Variants in CMYA5 observed in about 807,000 individuals in gnomAD.
CMYA5 encodes the protein cardiomyopathy-associated protein 5.
CMYA5 carries 246 observed loss-of-function variants against 318.9 expected under a neutral mutation model. The ratio of observed to expected loss-of-function variants is 0.77; its 90% CI spans 0.70 to 0.86. The LOEUF (loss-of-function observed/expected upper bound fraction) is 0.86. Among genes scored for constraint, CMYA5 ranks in the 40% least tolerant of loss-of-function variants. CMYA5 has a pLI of 0.00. For missense variants in CMYA5, 4,589 were observed against 4,678.2 expected (o/e 0.98, Z 0.56); for synonymous variants, 1,641 against 1,729.5 (o/e 0.95, Z 1.27).
At chr5:79,746,509 A>C (rs1828324933) in intron 4 of CMYA5, among the ~76,000 whole-genome samples, 1 of 151,270 alleles carries the variant, frequency 6.6e-6, no homozygotes, top group Non-Finnish European at 1.5e-5. Context: ...GTTCTGTAAG[A>C]ATAAGAATAA....
At chr5:79,790,781 A>T (rs1174102560) in intron 10 of CMYA5, among the ~76,000 whole-genome samples, 189 bp from the exon 11 acceptor site, 1 of 152,200 alleles carries the variant, frequency 6.6e-6, no homozygotes, top group Non-Finnish European at 1.5e-5. Context: ...CACCACGTAG[A>T]GGTAACCAGC....
rs201032060 is a variant in CMYA5 at position 79,734,800 on chromosome 5, C to G, written c.6035C>G (p.Ser2012Cys). Residue 2012 changes from serine to cysteine, a missense_variant, in exon 2 of 13, where the codon TCT becomes TGT. Around this residue, in one of 3 missense-constraint regions of CMYA5, gnomAD observed 2,431 missense variants for 2,495.1 expected, o/e 0.97. Coordinates refer to ENST00000446378, the MANE Select transcript of CMYA5 (RefSeq NM_153610.5). ...ATAGCAGAGGGGAAGGAGATTCATTCTTTGATGGAGAGTGAAAGTTTGCTA... is the reference window on the plus strand; with the variant it reads ...ATAGCAGAGGGGAAGGAGATTCATTGTTTGATGGAGAGTGAAAGTTTGCTA... ...RNIAEGKEIH[S>C]LMESESLLLE... 1 of 1,613,626 alleles carries G rather than the reference C, an allele frequency of 6.2e-7. No homozygotes were observed. The highest frequency in any genetic ancestry group is 1.3e-5 in the African/African-American group (1 of 74,906).
Position 79,738,472 on chromosome 5 carries a change from T to C in CMYA5, c.9707T>C (p.Ile3236Thr). Residue 3236 changes from isoleucine (I) to threonine (T), a missense_variant, in exon 2 of 13, where the codon ATA becomes ACA. Transcript: ENST00000446378. The stretch of plus-strand genomic sequence containing the variant: ...TCTGACACTGATGATGGAACAGGAA[T>C]ATATTTTGAGAAGTACATACTCAAA... ...RNSDTDDGTG[I>T]YFEKYILKDD... 6.2e-7 allele frequency: 1 copy of C among 1,613,718 alleles called. No homozygotes were observed. Among genetic ancestry groups the C allele is most frequent in the Non-Finnish European group, 8.5e-7 (1 of 1,179,854 alleles).
At position 79,772,102 on chromosome 5, in the gene CMYA5, A is replaced by G. The variant is rs1327499134; in HGVS notation, c.11555+8893A>G. ...TCCTTTGCGAAAGCCAGAGAAACCA[A>G]TGACAGTTCCATTTGTAGGAAAAAA... On this transcript the variant is annotated intron_variant, in intron 9 of 12. Transcript: ENST00000446378. Among the ~76,000 whole-genome samples the G allele has an allele frequency of 2.0e-5, 3 of 151,712 alleles. No homozygotes were observed. In the Admixed American group the frequency reaches 2.0e-4, roughly 10 times the overall value.
intron 9 of CMYA5, among the ~76,000 whole-genome samples, chr5:79,770,850 C>G (rs1185909212): frequency 6.6e-6 from 1 of 152,054 alleles, no homozygotes; most frequent in Non-Finnish European, 1.5e-5. Flanking sequence ...ATGATAGTTT[C>G]TTTCAAGTTG....
intron 12 of CMYA5, 22 bp from the exon 13 acceptor site, chr5:79,799,348 T>A (rs765143843): frequency 1.9e-6 from 3 of 1,582,192 alleles, no homozygotes; most frequent in Non-Finnish European, 2.6e-6. Context: ...AGTTTTATGT[T>A]TCCCATTCGC....
intron 5 of CMYA5, among the ~76,000 whole-genome samples, chr5:79,750,264 C>G (rs746241156): frequency 1.4e-4 from 21 of 148,908 alleles, no homozygotes; most frequent in Non-Finnish European, 3.1e-4. Flanking sequence ...TTAATAAATA[C>G]AGTACAGTAC....
chr5:79,785,203 A>T (rs1052892495), intron 9 of CMYA5, among the ~76,000 whole-genome samples: 2 of 151,808 alleles, frequency 1.3e-5, no homozygotes, highest in Non-Finnish European at 2.9e-5. Flanking sequence ...TGGTTTTATT[A>T]TTGTAGCTTT....
At position 79,734,132 on chromosome 5, in the gene CMYA5, G is replaced by C. The variant is rs778961105; in HGVS notation, c.5367G>C (p.Lys1789Asn). 9.9e-6 allele frequency: 16 copies of C among 1,613,614 alleles called. No individual in the cohort carries two copies. In the East Asian group the frequency reaches 3.6e-4, roughly 36 times the overall value. Residue 1789 changes from lysine (K) to asparagine (N), a missense_variant, in exon 2 of 13, where the codon AAG becomes AAC. Coordinates refer to ENST00000446378, the MANE Select transcript of CMYA5 (RefSeq NM_153610.5). ...KAQVMGDILD[K>N]LSEETGHPNS... is the part of the protein sequence containing the mutation. ...AAGTCATGGGAGATATTTTAGATAAGCTAAGTGAAGAAACAGGCCACCCAA... is the reference window on the plus strand; with the variant it reads ...AAGTCATGGGAGATATTTTAGATAACCTAAGTGAAGAAACAGGCCACCCAA...
Position 79,738,888 on chromosome 5 carries a change from G to T in CMYA5, c.10123G>T (p.Val3375Leu). Residue 3375 changes from valine to leucine, a missense_variant, in exon 2 of 13, where the codon GTA becomes TTA. By Grantham distance (32) the Val-to-Leu change is conservative (BLOSUM62 1). Coordinates refer to ENST00000446378, the MANE Select transcript of CMYA5 (RefSeq NM_153610.5). The part of the protein sequence containing the change: ...ASPEVNLNVP[V>L]QVSFPEEEFA... Reference sequence around the variant, plus strand: ...TCCAGAGGTCAATCTGAATGTCCCAGTACAAGTGTCCTTCCCGGAGGAAGA... The same window carrying T: ...TCCAGAGGTCAATCTGAATGTCCCATTACAAGTGTCCTTCCCGGAGGAAGA... 1.9e-6 allele frequency: 3 copies of T among 1,613,886 alleles called. No homozygotes were observed. The highest frequency in any genetic ancestry group is 2.5e-6 in the Non-Finnish European group (3 of 1,179,858).
chr5:79,722,514 T>TA lies in CMYA5; in HGVS notation c.150-6396dup, dbSNP rs571852233. On this transcript the variant is annotated intron_variant, in intron 1 of 12. Coordinates refer to ENST00000446378, the MANE Select transcript of CMYA5 (RefSeq NM_153610.5). ...CAACATGATGAAACACCATGTCTAC[T>TA]AAAAATACAAAAAATTGGCTGGCAT... 2.6e-5 allele frequency among the ~76,000 whole-genome samples: 4 copies of TA among 151,954 alleles called. No homozygotes were observed. In the South Asian group the frequency reaches 8.3e-4, roughly 32 times the overall value.
Position 79,729,686 on chromosome 5 carries a change from C to T in CMYA5, c.921C>T (p.Leu307=), listed in dbSNP as rs367973388. 13 of 1,613,800 alleles carry T rather than the reference C, an allele frequency of 8.1e-6. No individual in the cohort carries two copies. The highest frequency in any genetic ancestry group is 2.7e-5 in the African/African-American group (2 of 74,912). ...TTTTTCCACCCTGGAGAGGCGCACT[C>T]TCCAAAGGATCAGAGTCCCTAACCT... ...KEVFPPWRGA[L]SKGSESLTLM... is the part of the protein sequence containing the mutation. The change falls in exon 2 of 13, where the codon CTC becomes CTT. Residue 307 remains leucine, a synonymous_variant. Coordinates refer to ENST00000446378, the MANE Select transcript of CMYA5 (RefSeq NM_153610.5).
At chr5:79,755,486 T>C (rs1471659853) in intron 6 of CMYA5, among the ~76,000 whole-genome samples, 5 of 152,060 alleles carry the variant, frequency 3.3e-5, no homozygotes, top group African/African-American at 1.2e-4. Context: ...GGGGTTTTGC[T>C]GTGTTGGCCA....
intron 9 of CMYA5, among the ~76,000 whole-genome samples, chr5:79,771,677 C>G (rs1828858957): frequency 6.6e-6 from 1 of 152,166 alleles, no homozygotes; most frequent in Non-Finnish European, 1.5e-5. Context: ...CTTGCCTACT[C>G]TGAGTGAACC....
At chr5:79,760,477 G>C (rs1012412599) in intron 7 of CMYA5, among the ~76,000 whole-genome samples, 2 of 152,166 alleles carry the variant, frequency 1.3e-5, no homozygotes, top group African/African-American at 2.4e-5. Context: ...AGTTCCACAA[G>C]GTGTACAGGA....
Position 79,731,632 on chromosome 5 carries a change from C to T in CMYA5, c.2867C>T (p.Ser956Leu), listed in dbSNP as rs1221149035. ...SPDSAFVSEF[S>L]FPPYATQEAE... ...GATTCTGCATTTGTGTCAGAATTCT[C>T]ATTTCCACCGTATGCAACCCAGGAA... The change falls in exon 2 of 13, where the codon TCA becomes TTA. Residue 956 changes from serine (S) to leucine (L), a missense_variant. Ser to Leu is a moderately radical substitution (Grantham distance 145). Coordinates refer to ENST00000446378, the MANE Select transcript of CMYA5 (RefSeq NM_153610.5). 1.9e-6 allele frequency: 3 copies of T among 1,613,816 alleles called. No homozygotes were observed. Among genetic ancestry groups the T allele is most frequent in the East Asian group, 4.5e-5 (2 of 44,888 alleles).
At chr5:79,798,839 A>T (rs1454090858) in intron 12 of CMYA5, among the ~76,000 whole-genome samples, 10 of 152,320 alleles carry the variant, frequency 6.6e-5, no homozygotes, top group African/African-American at 2.2e-4. Flanking sequence ...TGAAAAGGAG[A>T]GTTGGTTTGG....
chr5:79,707,757 A>G lies in CMYA5; in HGVS notation c.149+17701A>G, dbSNP rs1335229535. ...GATGACCTTCAAGCCCCGGAAAGGA[A>G]GGGGAAGTAATTTGCCTGAGCTCAC... On this transcript the variant is annotated intron_variant, in intron 1 of 12. Transcript: ENST00000446378. Among the ~76,000 whole-genome samples the G allele has an allele frequency of 3.3e-5, 5 of 152,204 alleles. No homozygotes were observed. The East Asian group carries it at 9.6e-4, about 29-fold the overall frequency.
At chr5:79,696,676 G>C (rs1827073079) in intron 1 of CMYA5, among the ~76,000 whole-genome samples, 1 of 152,200 alleles carries the variant, frequency 6.6e-6, no homozygotes, top group South Asian at 2.1e-4. Context: ...TTAAATTGTT[G>C]GTTTATAAAT....
Sources: allele counts gnomAD v4.1 joint callset (sites outside exome capture counted in the v4.1 genomes callset), GRCh38; gene constraint gnomAD v4.1.1; regional missense constraint gnomAD v4.1.1; transcripts MANE v1.5; gene names NCBI Gene and HGNC (gene_info 2026-07-23, HGNC 2026-07-21).